Variants in CYB5R4 observed in about 807,000 individuals in gnomAD.
CYB5R4 encodes N-terminal cytochrome b5 and cytochrome b5 oxidoreductase domain-containing protein.
CYB5R4 carries 55 observed loss-of-function variants against 70.2 expected under a neutral mutation model. The ratio of observed to expected loss-of-function variants is 0.78; its 90% CI spans 0.63 to 0.98. CYB5R4 has a LOEUF of 0.98. Among genes scored for constraint, CYB5R4 ranks in the 50% least tolerant of loss-of-function variants. CYB5R4 has a pLI of 0.00. For synonymous variants in CYB5R4, 197 were observed against 199.5 expected, an observed-to-expected ratio of 0.99 and a Z score of 0.11; for missense variants, 562 against 612.6, an observed-to-expected ratio of 0.92 and a Z score of 0.87.
At chr6:83,865,901 G>C (rs1408659888) in intron 2 of CYB5R4, among the ~76,000 whole-genome samples, 1 of 152,162 alleles carries the variant, frequency 6.6e-6, no homozygotes, top group Non-Finnish European at 1.5e-5. Flanking sequence ...AATGGTACCA[G>C]CAATCTGGAA....
intron 4 of CYB5R4, among the ~76,000 whole-genome samples, chr6:83,913,516 G>A (rs952609979): frequency 5.9e-5 from 9 of 152,048 alleles, no homozygotes; most frequent in African/African-American, 1.7e-4. Context: ...AATTATTTTG[G>A]TAAAATGAGG....
At chr6:83,900,780 G>A (rs2099462797) in intron 3 of CYB5R4, among the ~76,000 whole-genome samples, 1 of 152,088 alleles carries the variant, frequency 6.6e-6, no homozygotes, top group Non-Finnish European at 1.5e-5. Context: ...TCAGAGACTA[G>A]GATTGCAACC....
intron 1 of CYB5R4, among the ~76,000 whole-genome samples, chr6:83,860,996 C>T (rs544395636): frequency 1.3e-5 from 2 of 152,332 alleles, no homozygotes; most frequent in Non-Finnish European, 2.9e-5. Context: ...ATTTCATTTA[C>T]TGATTCATAT....
At chr6:83,958,705 A>G (rs2099472834) in intron 15 of CYB5R4, among the ~76,000 whole-genome samples, 1 of 152,138 alleles carries the variant, frequency 6.6e-6, no homozygotes, top group Admixed American at 6.6e-5. Flanking sequence ...GAGTATGTGT[A>G]TGCCCTCTGG....
intron 2 of CYB5R4, among the ~76,000 whole-genome samples, chr6:83,869,336 A>C (rs2099457215): frequency 6.6e-6 from 1 of 152,204 alleles, no homozygotes; most frequent in Non-Finnish European, 1.5e-5. Context: ...CTCATTATTC[A>C]TGGACTTTAT....
chr6:83,922,449 G>A lies in CYB5R4; in HGVS notation c.670G>A (p.Glu224Lys). 4 of 1,613,292 alleles carry A rather than the reference G, an allele frequency of 2.5e-6. No homozygotes were observed. The highest frequency in any genetic ancestry group is 8.5e-7 in the Non-Finnish European group (1 of 1,179,558). ...LYLIHIGLSH[E>K]VQEDFSVRVV... ...TTTGTCTGTCCTAGGGCTAAGCCATGAGGTTCAGGAAGATTTTTCTGGTAA... is the reference window on the plus strand; with the variant it reads ...TTTGTCTGTCCTAGGGCTAAGCCATAAGGTTCAGGAAGATTTTTCTGGTAA... The change falls in exon 9 of 16, where the codon GAG becomes AAG. Residue 224 changes from glutamate (E) to lysine (K), a missense_variant. By Grantham distance (56) the Glu-to-Lys change is moderately conservative. Coordinates refer to ENST00000369681, the MANE Select transcript of CYB5R4 (RefSeq NM_016230.4).
chr6:83,900,211 C>T (rs868577356), intron 3 of CYB5R4, among the ~76,000 whole-genome samples: 46 of 152,224 alleles, frequency 3.0e-4, no homozygotes, highest in Middle Eastern at 3.4e-3. Flanking sequence ...TTTCTGCCTT[C>T]GTTTCGTTTT....
intron 10 of CYB5R4, among the ~76,000 whole-genome samples, chr6:83,924,858 G>A (rs1042694258): frequency 8.5e-5 from 13 of 152,274 alleles, no homozygotes; most frequent in Admixed American, 4.6e-4. Flanking sequence ...TGCTTAGACT[G>A]TTGATCAACC....
In CYB5R4 at chr6:83,960,417, G is replaced by A. The variant is rs181905175; in HGVS notation, c.*539G>A. ...CAGAATAGAATAAAATTATACTTAAGTTCTTTTTAATCCTTGTGGTAGAAA... is the reference window on the plus strand; with the variant it reads ...CAGAATAGAATAAAATTATACTTAAATTCTTTTTAATCCTTGTGGTAGAAA... On this transcript the variant is annotated 3_prime_UTR_variant, in exon 16 of 16. Coordinates refer to ENST00000369681, the MANE Select transcript of CYB5R4 (RefSeq NM_016230.4). 1 of 152,548 alleles carries A rather than the reference G, an allele frequency of 6.6e-6. No individual in the cohort carries two copies. Among genetic ancestry groups the A allele is most frequent in the East Asian group, 1.9e-4 (1 of 5,188 alleles). The allele number at this position is 152,548 out of a possible 1,614,324, so 9.4% of individuals were successfully genotyped here. A position where few individuals can be genotyped will look rare whatever the true frequency, so the allele number is the denominator to read the frequency against.
chr6:83,923,726 C>G (rs528154280), intron 9 of CYB5R4, among the ~76,000 whole-genome samples: 19 of 152,024 alleles, frequency 1.2e-4, no homozygotes, highest in Non-Finnish European at 2.8e-4. Context: ...GGAACTCATT[C>G]TCATGAGGCT....
At position 83,940,609 on chromosome 6, in the gene CYB5R4, A is replaced by G; in HGVS notation, c.1346+8A>G. 1 of 1,595,164 alleles carries G rather than the reference A, an allele frequency of 6.3e-7. No individual in the cohort carries two copies. Among genetic ancestry groups the G allele is most frequent in the Non-Finnish European group, 8.5e-7 (1 of 1,173,688 alleles). ...AGCATTTAAAGATAAAAGGTATTAAACTGATATTAGCTCTGCGTTTAGTTA... is the reference window on the plus strand; with the variant it reads ...AGCATTTAAAGATAAAAGGTATTAAGCTGATATTAGCTCTGCGTTTAGTTA... On this transcript the variant is annotated splice_region_variant and intron_variant, in intron 14 of 15. Transcript: ENST00000369681.
chr6:83,908,785 T>TGTCA (rs2129137684), intron 3 of CYB5R4, among the ~76,000 whole-genome samples: 1 of 152,254 alleles, frequency 6.6e-6, no homozygotes, highest in Admixed American at 6.5e-5. Flanking sequence ...CCTGAAAGGG[T>TGTCA]GTCAGGAACT....
At chr6:83,887,849 C>G (rs766117826) in intron 2 of CYB5R4, among the ~76,000 whole-genome samples, 23 of 152,008 alleles carry the variant, frequency 1.5e-4, no homozygotes, top group Non-Finnish European at 3.1e-4. Context: ...AGATATTCTC[C>G]CTAAATCCCC....
At chr6:83,940,648 A>G (rs779390485) in intron 14 of CYB5R4, 47 bp downstream of exon 14, 2 of 1,562,484 alleles carry the variant, frequency 1.3e-6, no homozygotes, top group Admixed American at 4.0e-5. Flanking sequence ...ATACCTGGGT[A>G]GTAAGTCTAT....
At chr6:83,935,350 T>C (rs1473480261) in intron 11 of CYB5R4, among the ~76,000 whole-genome samples, 2 of 152,204 alleles carry the variant, frequency 1.3e-5, no homozygotes, top group African/African-American at 4.8e-5. Flanking sequence ...GGCAGTCGTC[T>C]AAAATGTTAC....
chr6:83,870,685 C>A (rs1359868189), intron 2 of CYB5R4, among the ~76,000 whole-genome samples: 1 of 151,970 alleles, frequency 6.6e-6, no homozygotes, highest in East Asian at 1.9e-4. Flanking sequence ...TGTGTACTAT[C>A]ATCATTACTT....
chr6:83,937,509 A>AATGT (rs928304052), intron 12 of CYB5R4, among the ~76,000 whole-genome samples: 157 of 152,072 alleles, frequency 1.0e-3, no homozygotes, highest in African/African-American at 3.5e-3. Context: ...GCTGTCAGTA[A>AATGT]ATGTGCTTTG....
At chr6:83,956,135 C>G (rs766559410) in intron 15 of CYB5R4, among the ~76,000 whole-genome samples, 2 of 152,128 alleles carry the variant, frequency 1.3e-5, no homozygotes, top group African/African-American at 4.8e-5. Flanking sequence ...CCTAACATTT[C>G]TAGATGTTGA....
chr6:83,936,631 A>C (rs1255329290), intron 12 of CYB5R4, among the ~76,000 whole-genome samples: 2 of 152,126 alleles, frequency 1.3e-5, no homozygotes, highest in East Asian at 3.9e-4. Flanking sequence ...TCTCTTTCCC[A>C]GTCCAGTCAG....
Sources: gnomAD v4.1 joint callset for allele counts (sites outside exome capture counted in the v4.1 genomes callset) on GRCh38, gnomAD v4.1.1 for gene constraint, MANE v1.5 for transcripts, NCBI Gene and HGNC (gene_info 2026-07-23, HGNC 2026-07-21) for gene names.